The following EXOC6 variants were observed in gnomAD, a reference collection of about 807,000 sequenced individuals.
EXOC6 encodes the protein SEC15-like 1.
A neutral mutation model predicts 112.5 loss-of-function variants in EXOC6; 60 were observed. That is an observed-to-expected ratio of 0.53 (90% CI 0.43 to 0.66). The LOEUF is 0.66. Among genes scored for constraint, EXOC6 ranks in the 30% least tolerant of loss-of-function variants. EXOC6 has a pLI of 0.00. For synonymous variants in EXOC6, 295 were observed against 308.0 expected (o/e 0.96, Z 0.44); for missense variants, 855 against 957.1 (o/e 0.89, Z 1.41).
intron 1 of EXOC6, among the ~76,000 whole-genome samples, chr10:92,880,601 G>T (rs531410757): frequency 2.6e-5 from 4 of 152,210 alleles, no homozygotes; most frequent in African/African-American, 9.6e-5. Context: ...CAAGTAGTGG[G>T]AGAGTAAATT....
At chr10:92,922,846 T>C (rs1851520112) in intron 8 of EXOC6, among the ~76,000 whole-genome samples, 1 of 152,164 alleles carries the variant, frequency 6.6e-6, no homozygotes, top group Admixed American at 6.5e-5. Context: ...ATACCAAATA[T>C]AGTGTGCGAA....
At chr10:92,948,585 T>C (rs1177649876) in intron 14 of EXOC6, among the ~76,000 whole-genome samples, 2 of 149,378 alleles carry the variant, frequency 1.3e-5, no homozygotes, top group African/African-American at 4.9e-5. Flanking sequence ...CTACTACTAC[T>C]ACTACTACTA....
rs115084763 is a variant in EXOC6 at position 92,936,647 on chromosome 10, G to C, written c.1212+762G>C. On this transcript the variant is annotated intron_variant, in intron 12 of 21. Transcript: ENST00000260762. ...AAAAATAAGATTTTTCTTTTTATTG[G>C]GAGTAATATTATCCTCTCCCCTTCG... is the stretch of plus-strand genomic sequence containing the variant. 9.8e-3 allele frequency among the ~76,000 whole-genome samples: 1,495 copies of C among 152,278 alleles called. 20 individuals carry two copies. Among genetic ancestry groups the C allele is most frequent in the African/African-American group, 0.032 (1,344 of 41,546 alleles).
chr10:92,840,391 C>T (rs1846803296), intron 1 of EXOC6, among the ~76,000 whole-genome samples: 1 of 152,080 alleles, frequency 6.6e-6, no homozygotes. Flanking sequence ...TATGATAAAA[C>T]CTATCTCAAA....
chr10:92,941,346 C>T (rs1852655808), intron 13 of EXOC6, among the ~76,000 whole-genome samples: 1 of 152,158 alleles, frequency 6.6e-6, no homozygotes, highest in Non-Finnish European at 1.5e-5. Context: ...ATTTAGGTTC[C>T]TTCCACCTTT....
upstream of EXOC6, among the ~76,000 whole-genome samples, chr10:92,847,835 CTTTTTTT>C (rs3078184): frequency 1.1e-5 from 1 of 93,656 alleles, no homozygotes; most frequent in Non-Finnish European, 2.0e-5. Flanking sequence ...CGCCCTGGGC[CTTTTTTT>C]TTTTTTTTTT....
intron 17 of EXOC6, among the ~76,000 whole-genome samples, chr10:92,965,431 CAA>C (rs1342891342): frequency 6.6e-6 from 1 of 152,052 alleles, no homozygotes; most frequent in Non-Finnish European, 1.5e-5. Flanking sequence ...CCTTAACAAA[CAA>C]AGGAAGAATT....
intron 17 of EXOC6, among the ~76,000 whole-genome samples, chr10:92,971,366 C>T (rs1304078679): frequency 6.9e-6 from 1 of 145,872 alleles, no homozygotes; most frequent in Non-Finnish European, 1.5e-5. Context: ...TTTCACTTCA[C>T]TTATTGTACT....
chr10:92,898,238 G>A (rs1849933094), intron 4 of EXOC6, among the ~76,000 whole-genome samples: 1 of 148,736 alleles, frequency 6.7e-6, no homozygotes, highest in African/African-American at 2.5e-5. Flanking sequence ...GGGCAACATA[G>A]GGAGTCCCTG....
intron 20 of EXOC6, among the ~76,000 whole-genome samples, chr10:93,046,731 G>T (rs889401147): frequency 6.6e-6 from 1 of 152,014 alleles, no homozygotes; most frequent in East Asian, 1.9e-4. Flanking sequence ...CCAAGTAGCT[G>T]GGATTACAGG....
upstream of EXOC6, chr10:92,848,450 C>T (rs1372249242): frequency 9.3e-7 from 1 of 1,080,370 alleles, no homozygotes; most frequent in Non-Finnish European, 1.2e-6. Flanking sequence ...CCCCGCCCCG[C>T]CCCTTCGCGC....
At chr10:92,939,712 T>C (rs1260070003) in intron 12 of EXOC6, among the ~76,000 whole-genome samples, 1 of 151,940 alleles carries the variant, frequency 6.6e-6, no homozygotes. Context: ...AAGAAAAGAC[T>C]AAAGGTTAGA....
At chr10:92,982,645 G>T (rs1174877095) in intron 18 of EXOC6, among the ~76,000 whole-genome samples, 1 of 152,122 alleles carries the variant, frequency 6.6e-6, no homozygotes, top group African/African-American at 2.4e-5. Flanking sequence ...TCAATAATAA[G>T]ATTAAAACTA....
At chr10:92,944,025 T>C (rs935717577) in intron 13 of EXOC6, among the ~76,000 whole-genome samples, 2 of 152,236 alleles carry the variant, frequency 1.3e-5, no homozygotes, top group Admixed American at 1.3e-4. Context: ...GCCTAGCTTA[T>C]GTCACTTAGC....
chr10:92,880,275 G>T (rs578028589), intron 1 of EXOC6, among the ~76,000 whole-genome samples: 1 of 152,258 alleles, frequency 6.6e-6, no homozygotes, highest in South Asian at 2.1e-4. Flanking sequence ...GTAAATAGTG[G>T]TTTACTGTAT....
intron 17 of EXOC6, among the ~76,000 whole-genome samples, chr10:92,958,110 G>T (rs1336301666): frequency 6.6e-6 from 1 of 152,082 alleles, no homozygotes. Context: ...AGACTGTTTT[G>T]TTAGCTTGTT....
intron 18 of EXOC6, among the ~76,000 whole-genome samples, chr10:92,981,278 T>C (rs1842815780): frequency 6.6e-6 from 1 of 152,230 alleles, no homozygotes; most frequent in Non-Finnish European, 1.5e-5. Flanking sequence ...TTATTCTTCA[T>C]GACTGCCAAA....
At chr10:92,855,856 C>G (rs779959871) in intron 1 of EXOC6, among the ~76,000 whole-genome samples, 1 of 151,194 alleles carries the variant, frequency 6.6e-6, no homozygotes, top group Non-Finnish European at 1.5e-5. Flanking sequence ...ATTTTTTTCT[C>G]TATTGTTTTT....
chr10:92,938,529 G>A (rs576359181), intron 12 of EXOC6, among the ~76,000 whole-genome samples: 101 of 152,190 alleles, frequency 6.6e-4, no homozygotes, highest in African/African-American at 2.3e-3. Flanking sequence ...TAAAATGCTA[G>A]TATTTTATCT....
Sources: gnomAD v4.1 joint callset for allele counts (sites outside exome capture counted in the v4.1 genomes callset) on GRCh38, gnomAD v4.1.1 for gene constraint, MANE v1.5 for transcripts, NCBI Gene and HGNC (gene_info 2026-07-23, HGNC 2026-07-21) for gene names.